Variants in GRIN2A observed in about 807,000 individuals in gnomAD.
GRIN2A encodes glutamate receptor ionotropic, NMDA 2A.
Under a neutral mutation model 113.4 loss-of-function variants are expected in GRIN2A, and 22 were observed. That is an observed-to-expected ratio of 0.19 (90% confidence interval 0.14 to 0.28). The LOEUF is 0.28. Ranked by LOEUF, GRIN2A falls within the 10% of genes least tolerant of loss-of-function variation. GRIN2A has a pLI of 1.00. For synonymous variants in GRIN2A, 827 were observed against 738.4 expected, an observed-to-expected ratio of 1.12 and a Z score of -1.94; for missense variants, 1,502 against 1,887.0, an observed-to-expected ratio of 0.80 and a Z score of 3.78.
At chr16:9,882,205 AT>A (rs1470574401) in intron 4 of GRIN2A, among the ~76,000 whole-genome samples, 1 of 152,104 alleles carries the variant, frequency 6.6e-6, no homozygotes, top group African/African-American at 2.4e-5. Context: ...CTAAAATACA[AT>A]AATTTAGATA....
At chr16:10,074,997 A>C (rs1260812193) in intron 2 of GRIN2A, among the ~76,000 whole-genome samples, 1 of 152,134 alleles carries the variant, frequency 6.6e-6, no homozygotes, top group Admixed American at 6.5e-5. Flanking sequence ...CCTTCAAAGA[A>C]TCCTCCAATG....
Position 9,756,028 on chromosome 16 carries a change from G to C in GRIN2A, c.*7121C>G, listed in dbSNP as rs1173202438. ...TGCCTGGCAAAGATAACCAAACATAGACATGAAATAGGAGGAATAGTCAAC... is the reference window on the plus strand; with the variant it reads ...TGCCTGGCAAAGATAACCAAACATACACATGAAATAGGAGGAATAGTCAAC... On this transcript the variant is annotated 3_prime_UTR_variant, in exon 13 of 13. Transcript: ENST00000330684. The C allele has an allele frequency of 1.8e-5, 4 of 221,268 alleles. No homozygotes were observed. The highest frequency in any genetic ancestry group is 3.6e-5 in the Non-Finnish European group (4 of 110,504). 13.7% of individuals were successfully genotyped at this position (221,268 alleles called of 1,614,324 possible).
intron 11 of GRIN2A, among the ~76,000 whole-genome samples, chr16:9,797,199 C>T (rs1421701999): frequency 2.0e-5 from 3 of 152,254 alleles, no homozygotes; most frequent in African/African-American, 7.2e-5. Context: ...GTTCTGTAAT[C>T]ATCTCTGAAT....
chr16:9,777,261 C>T (rs1402574486), intron 11 of GRIN2A, among the ~76,000 whole-genome samples: 1 of 152,064 alleles, frequency 6.6e-6, no homozygotes, highest in Non-Finnish European at 1.5e-5. Flanking sequence ...CCCAATAAAT[C>T]TGACAAATAA....
chr16:10,119,380 G>GACGA (rs2048789045), intron 2 of GRIN2A, among the ~76,000 whole-genome samples: 1 of 11,574 alleles, frequency 8.6e-5, no homozygotes, highest in Admixed American at 1.5e-3. Context: ...AGCTTTATTT[G>GACGA]ATGAGTTGTT....
chr16:9,988,761 G>A (rs2046037627), intron 2 of GRIN2A, among the ~76,000 whole-genome samples: 1 of 152,090 alleles, frequency 6.6e-6, no homozygotes, highest in Non-Finnish European at 1.5e-5. Flanking sequence ...GCCAAGATAT[G>A]ATTAATCTCA....
chr16:10,046,027 A>G (rs1474486230), intron 2 of GRIN2A, among the ~76,000 whole-genome samples: 3 of 152,160 alleles, frequency 2.0e-5, no homozygotes, highest in African/African-American at 4.8e-5. Context: ...ATATCGCCAG[A>G]CTATTACCCT....
intron 9 of GRIN2A, among the ~76,000 whole-genome samples, chr16:9,828,842 C>CAGAA (rs767071029): frequency 2.0e-4 from 30 of 152,084 alleles, no homozygotes; most frequent in Non-Finnish European, 2.9e-4. Flanking sequence ...ATTAAAAAAA[C>CAGAA]AGAAAGAAAG....
chr16:9,890,974 A>G lies in GRIN2A; in HGVS notation c.1122+12T>C. 6.6e-7 allele frequency: 1 copy of G among 1,525,456 alleles called. No individual in the cohort carries two copies. Among genetic ancestry groups the G allele is most frequent in the Non-Finnish European group, 9.1e-7 (1 of 1,099,090 alleles). 94.5% of individuals were successfully genotyped at this position (1,525,456 alleles called of 1,614,324 possible). On this transcript the variant is annotated intron_variant, in intron 4 of 12. Transcript: ENST00000330684. ...TCCCTCCCCTGCATTCAGCACACAGAAGGATGCTCACCTTTTCCCATTCCC... is the reference window on the plus strand; with the variant it reads ...TCCCTCCCCTGCATTCAGCACACAGGAGGATGCTCACCTTTTCCCATTCCC...
intron 3 of GRIN2A, among the ~76,000 whole-genome samples, chr16:9,904,622 C>T (rs1246381651): frequency 1.3e-5 from 2 of 152,196 alleles, no homozygotes; most frequent in African/African-American, 4.8e-5. Context: ...ATCTGTCCAC[C>T]TCAGCCTCCC....
chr16:9,856,168 C>A (rs1258280499), intron 4 of GRIN2A, among the ~76,000 whole-genome samples: 1 of 152,072 alleles, frequency 6.6e-6, no homozygotes, highest in Non-Finnish European at 1.5e-5. Flanking sequence ...GATGAGGAAA[C>A]CAGGGCTTAA....
Position 9,761,495 on chromosome 16 carries a change from T to G in GRIN2A, c.*1654A>C, listed in dbSNP as rs1900581331. 4.3e-6 allele frequency: 1 copy of G among 230,376 alleles called. No individual in the cohort carries two copies. The highest frequency in any genetic ancestry group is 5.7e-5 in the Admixed American group (1 of 17,698). The allele number at this position is 230,376 out of a possible 1,614,324, so 14.3% of individuals were successfully genotyped here. A position where few individuals can be genotyped will look rare whatever the true frequency, so the allele number is the denominator to read the frequency against. On this transcript the variant is annotated 3_prime_UTR_variant, in exon 13 of 13. Transcript: ENST00000330684. ...AGTTATCCCAAATACTTCAAAAATA[T>G]TCATGTACATGAAATACACTAATTA...
chr16:9,944,717 A>C (rs1421297814), intron 2 of GRIN2A, among the ~76,000 whole-genome samples: 1 of 152,130 alleles, frequency 6.6e-6, no homozygotes, highest in Non-Finnish European at 1.5e-5. Flanking sequence ...CACCTTGCAG[A>C]CTGCTGGACC....
intron 2 of GRIN2A, among the ~76,000 whole-genome samples, chr16:10,090,925 T>C (rs1400722495): frequency 1.3e-5 from 2 of 151,958 alleles, no homozygotes; most frequent in Non-Finnish European, 2.9e-5. Flanking sequence ...ACATGGCCAA[T>C]AAGAAATGAA....
intron 2 of GRIN2A, among the ~76,000 whole-genome samples, chr16:10,106,135 T>C (rs990937298): frequency 1.3e-5 from 2 of 151,856 alleles, no homozygotes; most frequent in African/African-American, 4.8e-5. Flanking sequence ...GAGGCATGCG[T>C]ACTTCCCCAT....
chr16:9,852,502 G>A (rs937982341), intron 4 of GRIN2A, among the ~76,000 whole-genome samples: 1 of 152,160 alleles, frequency 6.6e-6, no homozygotes, highest in Non-Finnish European at 1.5e-5. Context: ...TGAGCCCCCA[G>A]AGTGCAATAA....
chr16:10,069,984 C>G (rs908459986), intron 2 of GRIN2A, among the ~76,000 whole-genome samples: 2 of 152,208 alleles, frequency 1.3e-5, no homozygotes, highest in African/African-American at 4.8e-5. Flanking sequence ...TGGGTTCCCT[C>G]TTGCCTATCC....
intron 2 of GRIN2A, among the ~76,000 whole-genome samples, chr16:10,019,574 A>C (rs2046678400): frequency 6.6e-6 from 1 of 152,238 alleles, no homozygotes; most frequent in Non-Finnish European, 1.5e-5. Flanking sequence ...CAATTTATCT[A>C]CCCAAGGCTA....
intron 2 of GRIN2A, among the ~76,000 whole-genome samples, chr16:10,154,317 G>A (rs578207768): frequency 6.6e-6 from 1 of 152,310 alleles, no homozygotes; most frequent in South Asian, 2.1e-4. Flanking sequence ...TACAGGGGCT[G>A]TTTGTGCAGC....
Sources: allele counts gnomAD v4.1 joint callset (sites outside exome capture counted in the v4.1 genomes callset), GRCh38; gene constraint gnomAD v4.1.1; transcripts MANE v1.5; gene names NCBI Gene and HGNC (gene_info 2026-07-23, HGNC 2026-07-21).